PCNX1: variants seen among roughly 807,000 people sequenced by gnomAD.
PCNX1 encodes pecanex 1.
In PCNX1, 78 loss-of-function variants were observed where a neutral mutation model predicts 242.2. That is an observed-to-expected ratio of 0.32 (90% CI 0.27 to 0.39). The LOEUF (loss-of-function observed/expected upper bound fraction) is 0.39, where lower values mean the gene tolerates loss of function less well. Ranked by LOEUF, PCNX1 falls within the 10% of genes least tolerant of loss-of-function variation. PCNX1 has a pLI of 1.00. For missense variants in PCNX1, 2,581 were observed against 2,856.5 expected (o/e 0.90, Z 2.20); for synonymous variants, 1,024 against 1,032.9 (o/e 0.99, Z 0.17).
chr14:70,911,705 T>C, intron 1 of PCNX1, among the ~76,000 whole-genome samples: 1 of 152,178 alleles, frequency 6.6e-6, no homozygotes, highest in East Asian at 1.9e-4. Context: ...TACTCATTTG[T>C]GAGATATTTC....
In PCNX1 at chr14:71,022,738, A is replaced by G. The variant is rs568660953; in HGVS notation, c.3151-462A>G. Among the ~76,000 whole-genome samples, 12 of 152,288 alleles carry G rather than the reference A, an allele frequency of 7.9e-5. No homozygotes were observed. In the South Asian group the frequency reaches 2.5e-3, roughly 32 times the overall value. ...TGCAGATAATATCTTTATTACAAAT[A>G]CCATTGAATTATTTAGTAAGCTTGG... is the stretch of plus-strand genomic sequence containing the variant. On this transcript the variant is annotated intron_variant, in intron 12 of 35. Coordinates refer to ENST00000304743, the MANE Select transcript of PCNX1 (RefSeq NM_014982.3).
chr14:71,076,067 G>A (rs534047781), intron 27 of PCNX1, 122 bp from the exon 28 acceptor site: 2 of 631,044 alleles, frequency 3.2e-6, no homozygotes, highest in African/African-American at 3.7e-5. Context: ...TTTTTAGTCA[G>A]ACTAAAAAGT....
chr14:70,981,806 A>G (rs1437950351), intron 6 of PCNX1, among the ~76,000 whole-genome samples: 2 of 152,036 alleles, frequency 1.3e-5, no homozygotes, highest in Non-Finnish European at 2.9e-5. Context: ...GACCGTTTAA[A>G]CTTATTTCCT....
In PCNX1 at chr14:71,026,804, A is replaced by C; in HGVS notation, c.3388A>C (p.Ile1130Leu). The C allele has an allele frequency of 6.4e-7, 1 of 1,560,028 alleles. No individual in the cohort carries two copies. The highest frequency in any genetic ancestry group is 1.1e-5 in the South Asian group (1 of 89,302). The change falls in exon 15 of 36, where the codon ATT (isoleucine) becomes CTT (leucine). Residue 1130 changes from isoleucine (I) to leucine (L), a missense_variant. Coordinates refer to ENST00000304743, the MANE Select transcript of PCNX1 (RefSeq NM_014982.3). Reference sequence around the variant, plus strand: ...ACTCTGTTTCCCAATAGTGTTTTTCATTGGTCTCCTGCCTCAGGTGAATAC... The same window carrying C: ...ACTCTGTTTCCCAATAGTGTTTTTCCTTGGTCTCCTGCCTCAGGTGAATAC... ...FTLCFPIVFF[I>L]GLLPQVNTFV... is the part of the protein sequence containing the mutation.
intron 29 of PCNX1, 131 bp from the exon 30 acceptor site, chr14:71,089,061 C>T (rs886520753): frequency 1.1e-5 from 7 of 654,362 alleles, no homozygotes; most frequent in African/African-American, 1.8e-5. Flanking sequence ...GTTCAGGGTT[C>T]TGACATTAGT....
In PCNX1 at chr14:71,045,257, T is replaced by C. The variant is rs1166813660; in HGVS notation, c.3992T>C (p.Leu1331Pro). The change falls in exon 20 of 36, where the codon CTA (leucine) becomes CCA (proline). Residue 1331 changes from leucine to proline, a missense_variant. Leu to Pro is a moderately conservative substitution (Grantham distance 98). Coordinates refer to ENST00000304743, the MANE Select transcript of PCNX1 (RefSeq NM_014982.3). ...TTCTCTCATCCTCTGCTAAAGACAC[T>C]AGAGTATAATCAGTATGAAGTTCGA... Reference protein sequence around the residue: ...HCFSHPLLKTLEYNQYEVRNA... With the variant: ...HCFSHPLLKTPEYNQYEVRNA... 2 of 1,611,876 alleles carry C rather than the reference T, an allele frequency of 1.2e-6. No individual in the cohort carries two copies. The highest frequency in any genetic ancestry group is 1.1e-5 in the South Asian group (1 of 90,662).
intron 30 of PCNX1, among the ~76,000 whole-genome samples, chr14:71,099,595 TC>T (rs1320357486): frequency 6.6e-6 from 1 of 152,244 alleles, no homozygotes; most frequent in Non-Finnish European, 1.5e-5. Flanking sequence ...GTCTATTAGA[TC>T]CAATTGGCCA....
chr14:71,076,678 G>GT (rs1354280836), intron 28 of PCNX1, among the ~76,000 whole-genome samples: 2 of 152,172 alleles, frequency 1.3e-5, no homozygotes, highest in African/African-American at 4.8e-5. Flanking sequence ...TCCTGGGCAT[G>GT]TACAGGCATG....
intron 2 of PCNX1, among the ~76,000 whole-genome samples, chr14:70,956,814 G>A (rs983470929): frequency 1.8e-4 from 27 of 152,082 alleles, no homozygotes; most frequent in African/African-American, 5.1e-4. Flanking sequence ...CCTCTGAGAC[G>A]TTAGGCAAGT....
rs1190414917 is a variant in PCNX1 at position 71,111,802 on chromosome 14, ATTTACTG to A, written c.*1872_*1878del. The A allele has an allele frequency of 6.6e-6, 1 of 152,154 alleles. No homozygotes were observed. Among genetic ancestry groups the A allele is most frequent in the African/African-American group, 2.4e-5 (1 of 41,448 alleles). 9.4% of individuals were successfully genotyped at this position (152,154 alleles called of 1,614,324 possible). A position where few individuals can be genotyped will look rare whatever the true frequency, so the allele number is the denominator to read the frequency against. ...TTCCATAGACTTCACACTTTACAAAATTTACTGTTTAAAAATACTTGTCAAATGATTT... is the reference window on the plus strand; with the variant it reads ...TTCCATAGACTTCACACTTTACAAAATTTAAAAATACTTGTCAAATGATTT... On this transcript the variant is annotated 3_prime_UTR_variant, in exon 36 of 36. Transcript: ENST00000304743.
In PCNX1 at chr14:71,114,567, C is replaced by A. The variant is rs2062817232; in HGVS notation, c.*4632C>A. 6.6e-6 allele frequency: 1 copy of A among 152,626 alleles called. No individual in the cohort carries two copies. The highest frequency in any genetic ancestry group is 1.5e-5 in the Non-Finnish European group (1 of 68,028). 9.5% of individuals were successfully genotyped at this position (152,626 alleles called of 1,614,324 possible). ...CTATTTGTGAGTTGAACTTCATTAT[C>A]TGCCATTTTGTGGAATCAACCTTAC... On this transcript the variant is annotated 3_prime_UTR_variant, in exon 36 of 36. Transcript: ENST00000304743.
At chr14:71,089,008 A>G (rs1282854558) in intron 29 of PCNX1, among the ~76,000 whole-genome samples, 184 bp from the exon 30 acceptor site, 1 of 152,188 alleles carries the variant, frequency 6.6e-6, no homozygotes, top group East Asian at 1.9e-4. Flanking sequence ...TGGTTTATAA[A>G]TAAGGGTCCC....
intron 8 of PCNX1, among the ~76,000 whole-genome samples, chr14:71,009,023 A>G (rs2059748615): frequency 6.6e-6 from 1 of 152,240 alleles, no homozygotes; most frequent in South Asian, 2.1e-4. Context: ...TATCAGTTTC[A>G]TAGTGATATT....
At chr14:70,910,202 TCC>T (rs2055823219) in intron 1 of PCNX1, among the ~76,000 whole-genome samples, 1 of 27,440 alleles carries the variant, frequency 3.6e-5, no homozygotes, top group African/African-American at 1.3e-4. Flanking sequence ...CTCCTCCTCC[TCC>T]TCGTCCTCCT....
chr14:70,988,163 A>G (rs1020874597), intron 6 of PCNX1, among the ~76,000 whole-genome samples: 12 of 152,164 alleles, frequency 7.9e-5, no homozygotes, highest in African/African-American at 2.9e-4. Flanking sequence ...ATAAGAAACT[A>G]ATGTCCTCTT....
chr14:71,009,833 ATGT>A, intron 9 of PCNX1, 109 bp downstream of exon 9: 1 of 492,938 alleles, frequency 2.0e-6, no homozygotes. Context: ...TTATAATTTA[ATGT>A]TGTTAATTGA....
In PCNX1 at chr14:71,065,949, C is replaced by T. The variant is rs1468990143; in HGVS notation, c.4853-7596C>T. Among the ~76,000 whole-genome samples the T allele has an allele frequency of 2.0e-5, 3 of 146,960 alleles. No homozygotes were observed. The East Asian group carries it at 6.1e-4, about 30-fold the overall frequency. ...AGATGCGTGGCATTATTTCTGAGGC[C>T]TCTGTTCTGTTCCATTGATCTATAT... On this transcript the variant is annotated intron_variant, in intron 26 of 35. Coordinates refer to ENST00000304743, the MANE Select transcript of PCNX1 (RefSeq NM_014982.3).
intron 1 of PCNX1, among the ~76,000 whole-genome samples, chr14:70,939,887 CCTT>C (rs1386097698): frequency 1.3e-5 from 2 of 152,100 alleles, no homozygotes; most frequent in Non-Finnish European, 2.9e-5. Flanking sequence ...TATGCAATGG[CCTT>C]CTTTGTCTCT....
At chr14:70,994,394 A>AAGAT (rs1259110057) in intron 7 of PCNX1, among the ~76,000 whole-genome samples, 46 of 44,702 alleles carry the variant, frequency 1.0e-3, no homozygotes, top group South Asian at 1.9e-3. Flanking sequence ...CCACAGGCTT[A>AAGAT]AGATATATAT....
Sources: gnomAD v4.1 joint callset for allele counts (sites outside exome capture counted in the v4.1 genomes callset) on GRCh38, gnomAD v4.1.1 for gene constraint, MANE v1.5 for transcripts, NCBI Gene and HGNC (gene_info 2026-07-23, HGNC 2026-07-21) for gene names.